The following CYTH2 variants were observed in gnomAD, a reference collection of about 807,000 sequenced individuals.
CYTH2 encodes cytohesin 2.
CYTH2 carries 24 observed loss-of-function variants against 55.4 expected under a neutral mutation model. The ratio of observed to expected loss-of-function variants is 0.43; its 90% CI spans 0.31 to 0.61. CYTH2 has a LOEUF of 0.61. Among genes scored for constraint, CYTH2 ranks in the 20% least tolerant of loss-of-function variants. CYTH2 has a pLI of 0.08. For missense variants in CYTH2, 378 were observed against 533.5 expected (o/e 0.71, Z 2.87); for synonymous variants, 221 against 209.6 (o/e 1.05, Z -0.47).
Position 48,474,917 on chromosome 19 carries a change from A to T in CYTH2, c.776A>T (p.Asn259Ile). The T allele has an allele frequency of 6.2e-7, 1 of 1,613,900 alleles. No individual in the cohort carries two copies. Among genetic ancestry groups the T allele is most frequent in the Non-Finnish European group, 8.5e-7 (1 of 1,179,958 alleles). ...DGNDLTHTFF[N>I]PDREGWLLKL... is the part of the protein sequence containing the mutation. ...AATGACCTGACCCACACCTTCTTCA[A>T]CCCGGACCGGGAGGGCTGGCTCCTG... is the stretch of plus-strand genomic sequence containing the variant. Residue 259 changes from asparagine to isoleucine, a missense_variant, in exon 8 of 12, where the codon AAC (asparagine) becomes ATC (isoleucine). By Grantham distance (149) the Asn-to-Ile change is moderately radical. Coordinates refer to ENST00000452733, the MANE Select transcript of CYTH2 (RefSeq NM_004228.7). The surrounding 1 kb of genome is among the most constrained non-coding windows in gnomAD (Gnocchi z 4.9).
chr19:48,471,711 C>T (rs578171015), intron 3 of CYTH2, among the ~76,000 whole-genome samples: 8 of 152,324 alleles, frequency 5.3e-5, no homozygotes, highest in East Asian at 1.9e-4. Flanking sequence ...CAGGTTGTCA[C>T]GTTATTCTTT....
At chr19:48,469,627 G>T (rs1242079053) in intron 1 of CYTH2, 101 bp downstream of exon 1, 7 of 1,340,708 alleles carry the variant, frequency 5.2e-6, no homozygotes, top group Non-Finnish European at 5.8e-6. Flanking sequence ...GCCCAGAAGC[G>T]TTCGGCTCAG....
rs1972029604 is a variant in CYTH2 at position 48,480,594 on chromosome 19, C to A, written c.*1384C>A. 1 of 152,358 alleles carries A rather than the reference C, an allele frequency of 6.6e-6. No individual in the cohort carries two copies. The highest frequency in any genetic ancestry group is 6.5e-5 in the Admixed American group (1 of 15,308). 9.4% of individuals were successfully genotyped at this position (152,358 alleles called of 1,614,324 possible). On this transcript the variant is annotated 3_prime_UTR_variant, in exon 12 of 12. Coordinates refer to ENST00000452733, the MANE Select transcript of CYTH2 (RefSeq NM_004228.7). ...GAGGTTTTTCCGGGCGTCGCAGTTTCCCGAGACTCCGTGGCGGCGTTTGTC... is the reference window on the plus strand; with the variant it reads ...GAGGTTTTTCCGGGCGTCGCAGTTTACCGAGACTCCGTGGCGGCGTTTGTC...
At chr19:48,473,748 G>A (rs1971850912) in intron 5 of CYTH2, 157 bp from the exon 6 acceptor site, 2 of 636,860 alleles carry the variant, frequency 3.1e-6, no homozygotes, top group Admixed American at 6.0e-5. Flanking sequence ...CGTGGCCAAT[G>A]CCCATTGGTG....
intron 3 of CYTH2, among the ~76,000 whole-genome samples, chr19:48,471,018 C>T (rs777979981): frequency 6.2e-4 from 94 of 152,056 alleles, no homozygotes; most frequent in African/African-American, 1.6e-3. Flanking sequence ...GGTGCCGTGA[C>T]GGAGGAAGGT....
chr19:48,474,251 A>G lies in CYTH2; in HGVS notation c.617A>G (p.Asp206Gly). 1 of 1,613,526 alleles carries G rather than the reference A, an allele frequency of 6.2e-7. No homozygotes were observed. The highest frequency in any genetic ancestry group is 8.5e-7 in the Non-Finnish European group (1 of 1,179,736). Reference sequence around the variant, plus strand: ...AGTCTCCACAATCCCAATGTCCGGGACAAGCCGGGCCTGGAGCGCTTTGTG... The same window carrying G: ...AGTCTCCACAATCCCAATGTCCGGGGCAAGCCGGGCCTGGAGCGCTTTGTG... Reference protein sequence around the residue: ...NTSLHNPNVRDKPGLERFVAM... With the variant: ...NTSLHNPNVRGKPGLERFVAM... Residue 206 changes from aspartate to glycine, a missense_variant, in exon 7 of 12, where the codon GAC (aspartate) becomes GGC (glycine). Physicochemically the swap from Asp to Gly is moderately conservative, Grantham distance 94. Transcript: ENST00000452733. This position sits in a 1 kb window ranked among gnomAD's most constrained non-coding sequence, Gnocchi z 4.9.
rs1601023441 is a variant in CYTH2 at position 48,474,041 on chromosome 19, C to T, written c.547+24C>T. 1 of 1,586,304 alleles carries T rather than the reference C, an allele frequency of 6.3e-7. No homozygotes were observed. The highest frequency in any genetic ancestry group is 8.6e-7 in the Non-Finnish European group (1 of 1,166,996). The stretch of plus-strand genomic sequence containing the variant: ...AGGTGCGGGCCCCAAATCCTGGGTC[C>T]TGGGAAAGAGGAGACTGGGGCCCAG... On this transcript the variant is annotated intron_variant, in intron 6 of 11. Transcript: ENST00000452733. The surrounding 1 kb of genome is among the most constrained non-coding windows in gnomAD (Gnocchi z 4.9).
At chr19:48,475,249 CTTTCGT>C in intron 8 of CYTH2, 1 of 365,992 alleles carries the variant, frequency 2.7e-6, no homozygotes, top group Non-Finnish European at 5.0e-6. Context: ...TGACATTGTC[CTTTCGT>C]GGGAGAAGAG....
chr19:48,472,223 G>T, intron 3 of CYTH2, 102 bp from the exon 4 acceptor site: 1 of 981,944 alleles, frequency 1.0e-6, no homozygotes, highest in African/African-American at 1.6e-5. Flanking sequence ...CCTGGCCCTG[G>T]TCTGTTGAGG....
chr19:48,471,105 C>T (rs1019297406), intron 3 of CYTH2, among the ~76,000 whole-genome samples: 3 of 151,856 alleles, frequency 2.0e-5, no homozygotes, highest in Non-Finnish European at 4.4e-5. Flanking sequence ...ACATTCAGGT[C>T]GGGTTTGAAG....
chr19:48,479,241 G>T lies in CYTH2; in HGVS notation c.*31G>T. The T allele has an allele frequency of 6.2e-7, 1 of 1,611,380 alleles. No individual in the cohort carries two copies. The highest frequency in any genetic ancestry group is 8.5e-7 in the Non-Finnish European group (1 of 1,177,786). ...TGCCCCCAACTCCATTATTTATTACGGAGCTGCCCCGCCTGGGTGGCCGGA... is the reference window on the plus strand; with the variant it reads ...TGCCCCCAACTCCATTATTTATTACTGAGCTGCCCCGCCTGGGTGGCCGGA... On this transcript the variant is annotated 3_prime_UTR_variant, in exon 12 of 12. Coordinates refer to ENST00000452733, the MANE Select transcript of CYTH2 (RefSeq NM_004228.7).
intron 8 of CYTH2, chr19:48,477,758 G>A: frequency 4.9e-6 from 2 of 411,266 alleles, no homozygotes; most frequent in East Asian, 3.8e-5. Flanking sequence ...ATCACTAGAC[G>A]AGGGGAGGGG....
At position 48,474,083 on chromosome 19, in the gene CYTH2, G is replaced by C. The variant is rs940629100; in HGVS notation, c.547+66G>C. 1.1e-5 allele frequency: 17 copies of C among 1,549,620 alleles called. No individual in the cohort carries two copies. In the African/African-American group the frequency reaches 2.1e-4, roughly 19 times the overall value. ...GGGGCCCAGACTCCTAGGTCTGAGG[G>C]AGGGAGGGGGCTGGGAGCTGGGAAT... On this transcript the variant is annotated intron_variant, in intron 6 of 11. Coordinates refer to ENST00000452733, the MANE Select transcript of CYTH2 (RefSeq NM_004228.7). The surrounding 1 kb of genome is among the most constrained non-coding windows in gnomAD (Gnocchi z 4.9).
intron 5 of CYTH2, chr19:48,473,628 C>T (rs1374612448): frequency 5.0e-6 from 3 of 599,964 alleles, no homozygotes; most frequent in African/African-American, 1.9e-5. Flanking sequence ...ACTGTGTCAG[C>T]ATTGCTCTCT....
rs1465784352 is a variant in CYTH2 at position 48,478,847 on chromosome 19, G to A, written c.1112+255G>A. ...CCCTGGGTCTGACGGAGGAGGGGCCGGGGGCCTGGACTCCTGGGTCTGACG... is the reference window on the plus strand; with the variant it reads ...CCCTGGGTCTGACGGAGGAGGGGCCAGGGGCCTGGACTCCTGGGTCTGACG... On this transcript the variant is annotated intron_variant, in intron 11 of 11. Coordinates refer to ENST00000452733, the MANE Select transcript of CYTH2 (RefSeq NM_004228.7). 2.7e-5 allele frequency among the ~76,000 whole-genome samples: 4 copies of A among 145,654 alleles called. No homozygotes were observed. The East Asian group carries it at 6.3e-4, about 23-fold the overall frequency.
chr19:48,472,295 C>T (rs376311786), intron 3 of CYTH2, 30 bp from the exon 4 acceptor site: 128 of 1,607,738 alleles, frequency 8.0e-5, no homozygotes, highest in Non-Finnish European at 1.0e-4. Flanking sequence ...TTCTGGCCCT[C>T]AGCACTGAGA....
rs1336914343 is a variant in CYTH2, at chr19:48,472,553, A to G, written c.353+110A>G. ...TGGAACAGCCCTGCAGCCTCCCCGC[A>G]GAGGGGCCCTGGCAGATCAGCCTTC... is the stretch of plus-strand genomic sequence containing the variant. On this transcript the variant is annotated intron_variant, in intron 4 of 11. Transcript: ENST00000452733. 8.0e-6 allele frequency: 7 copies of G among 879,556 alleles called. No homozygotes were observed. The East Asian group carries it at 1.9e-4, about 24-fold the overall frequency. 54.5% of individuals were successfully genotyped at this position (879,556 alleles called of 1,614,324 possible).
rs1971858521 is a variant in CYTH2, at chr19:48,474,074, G to A, written c.547+57G>A. The stretch of plus-strand genomic sequence containing the variant: ...GAGGAGACTGGGGCCCAGACTCCTA[G>A]GTCTGAGGGAGGGAGGGGGCTGGGA... On this transcript the variant is annotated intron_variant, in intron 6 of 11. Transcript: ENST00000452733. This position sits in a 1 kb window ranked among gnomAD's most constrained non-coding sequence, Gnocchi z 4.9. 2 of 1,554,576 alleles carry A rather than the reference G, an allele frequency of 1.3e-6. No individual in the cohort carries two copies. The highest frequency in any genetic ancestry group is 1.2e-5 in the South Asian group (1 of 82,394).
At chr19:48,477,713 C>T in intron 8 of CYTH2, 1 of 274,950 alleles carries the variant, frequency 3.6e-6, no homozygotes, top group Non-Finnish European at 6.9e-6. Context: ...GCTGTCTGCC[C>T]CAGGAGGTAG....
Sources: allele counts gnomAD v4.1 joint callset (sites outside exome capture counted in the v4.1 genomes callset), GRCh38; gene constraint gnomAD v4.1.1; non-coding constraint Gnocchi (gnomAD v3.1); transcripts MANE v1.5; gene names NCBI Gene and HGNC (gene_info 2026-07-23, HGNC 2026-07-21).